Variants in WBP1L observed in about 807,000 individuals in gnomAD.
WBP1L encodes the protein WW domain binding protein 1-like.
A neutral mutation model predicts 33.7 loss-of-function variants in WBP1L; 17 were observed. The ratio of observed to expected loss-of-function variants is 0.50; its 90% CI spans 0.34 to 0.76. The LOEUF is 0.76. Ranked by LOEUF, WBP1L falls within the 30% of genes least tolerant of loss-of-function variation. WBP1L has a pLI of 0.01. For missense variants in WBP1L, 389 were observed against 469.4 expected, an observed-to-expected ratio of 0.83 and a Z score of 1.58; for synonymous variants, 173 against 190.8, an observed-to-expected ratio of 0.91 and a Z score of 0.77.
At chr10:102,750,470 G>A (rs1842914437) in intron 1 of WBP1L, among the ~76,000 whole-genome samples, 1 of 151,618 alleles carries the variant, frequency 6.6e-6, no homozygotes, top group African/African-American at 2.4e-5. Context: ...TACATAAATT[G>A]GTGTTTCAGT....
intron 1 of WBP1L, among the ~76,000 whole-genome samples, chr10:102,787,632 G>A (rs1843434803): frequency 6.6e-6 from 1 of 152,056 alleles, no homozygotes; most frequent in Non-Finnish European, 1.5e-5. Flanking sequence ...TAACACATGG[G>A]AAGCAATAGG....
intron 1 of WBP1L, among the ~76,000 whole-genome samples, chr10:102,785,868 G>T (rs1054889486): frequency 2.0e-5 from 3 of 152,206 alleles, no homozygotes; most frequent in Non-Finnish European, 4.4e-5. Context: ...AGTGTCCAGG[G>T]GTGAAAGAGT....
At chr10:102,788,810 A>C in intron 1 of WBP1L, among the ~76,000 whole-genome samples, 1 of 152,178 alleles carries the variant, frequency 6.6e-6, no homozygotes, top group South Asian at 2.1e-4. Context: ...GGGGGGGATA[A>C]ATAAAGGCTC....
At chr10:102,810,455 T>C (rs531822284) in intron 3 of WBP1L, among the ~76,000 whole-genome samples, 6 of 125,630 alleles carry the variant, frequency 4.8e-5, no homozygotes, top group Admixed American at 1.6e-4. Context: ...CTCCCTCCCT[T>C]CTTTTCCTTC....
chr10:102,774,340 T>C (rs1843229376), intron 1 of WBP1L, among the ~76,000 whole-genome samples: 1 of 152,148 alleles, frequency 6.6e-6, no homozygotes, highest in East Asian at 1.9e-4. Context: ...CTTGAGAATA[T>C]GTATGTGCTG....
At chr10:102,781,785 G>C (rs1467162837) in intron 1 of WBP1L, among the ~76,000 whole-genome samples, 15 of 150,668 alleles carry the variant, frequency 1.0e-4, no homozygotes, top group East Asian at 2.0e-4. Context: ...TCTTGTGACA[G>C]CTCCACAGAA....
chr10:102,743,995 G>A lies in WBP1L; in HGVS notation c.-59G>A. The A allele has an allele frequency of 8.1e-7, 1 of 1,239,204 alleles. No individual in the cohort carries two copies. The allele number at this position is 1,239,204 out of a possible 1,614,324, so 76.8% of individuals were successfully genotyped here. ...GAAGGAAGAAGAGGGTAGAGGAGGA[G>A]AGGGAGGAGGAGGAGGGAGGTGGCG... On this transcript the variant is annotated 5_prime_UTR_variant, in exon 1 of 4. Transcript: ENST00000448841.
intron 1 of WBP1L, among the ~76,000 whole-genome samples, chr10:102,787,756 A>T (rs1014907412): frequency 1.3e-5 from 2 of 151,820 alleles, no homozygotes; most frequent in African/African-American, 4.8e-5. Context: ...AGTTCTCTTT[A>T]TTTCCCTCAG....
intron 1 of WBP1L, among the ~76,000 whole-genome samples, chr10:102,794,441 T>C (rs1302494128): frequency 6.6e-6 from 1 of 151,824 alleles, no homozygotes; most frequent in Non-Finnish European, 1.5e-5. Context: ...ATCACGCCAC[T>C]GCATACCAGC....
intron 2 of WBP1L, among the ~76,000 whole-genome samples, chr10:102,807,669 A>G (rs1483640696): frequency 1.3e-5 from 2 of 151,978 alleles, no homozygotes; most frequent in Non-Finnish European, 2.9e-5. Flanking sequence ...CCCTGCGCCC[A>G]GCCATACGTA....
intron 2 of WBP1L, among the ~76,000 whole-genome samples, chr10:102,798,644 C>T (rs749359454): frequency 1.3e-5 from 2 of 152,144 alleles, no homozygotes; most frequent in Admixed American, 6.5e-5. Context: ...AAGATGGTCT[C>T]GATCTGTTGA....
intron 1 of WBP1L, among the ~76,000 whole-genome samples, chr10:102,776,840 G>A (rs1018965845): frequency 2.6e-5 from 4 of 152,142 alleles, no homozygotes; most frequent in African/African-American, 9.7e-5. Context: ...GGGACTCTGT[G>A]TTGGGGGTGG....
chr10:102,763,201 T>C (rs1334777284), intron 1 of WBP1L, among the ~76,000 whole-genome samples: 5 of 124,994 alleles, frequency 4.0e-5, no homozygotes, highest in African/African-American at 6.2e-5. Context: ...AGTGAAACTT[T>C]TGTCTCAAAA....
intron 1 of WBP1L, among the ~76,000 whole-genome samples, chr10:102,767,764 A>G (rs1843130876): frequency 6.6e-6 from 1 of 152,222 alleles, no homozygotes; most frequent in Non-Finnish European, 1.5e-5. Flanking sequence ...ATATCAAACA[A>G]GCAAAATGAG....
rs147783295 is a variant in WBP1L at position 102,806,392 on chromosome 10, G to A, written c.194-3501G>A. On this transcript the variant is annotated intron_variant, in intron 2 of 3. Coordinates refer to ENST00000448841, the MANE Select transcript of WBP1L (RefSeq NM_001083913.2). ...ACATGCAGCCAGGTTCTTAAGCAGA[G>A]TGTCCACCCCAACAACCCTAGGAGA... Among the ~76,000 whole-genome samples the A allele has an allele frequency of 2.6e-5, 4 of 152,230 alleles. No individual in the cohort carries two copies. The East Asian group carries it at 7.7e-4, about 29-fold the overall frequency.
At chr10:102,775,278 G>A (rs1353513327) in intron 1 of WBP1L, among the ~76,000 whole-genome samples, 1 of 152,180 alleles carries the variant, frequency 6.6e-6, no homozygotes, top group African/African-American at 2.4e-5. Flanking sequence ...GAGAGCTGCT[G>A]TGACCTCCTG....
intron 1 of WBP1L, chr10:102,776,184 G>C (rs1219929897): frequency 6.9e-7 from 1 of 1,453,144 alleles, no homozygotes; most frequent in Non-Finnish European, 9.1e-7. Context: ...GGGTGGGCCA[G>C]AGCCAGGCAG....
intron 1 of WBP1L, among the ~76,000 whole-genome samples, chr10:102,761,285 ACC>A (rs1843037330): frequency 6.6e-6 from 1 of 151,290 alleles, no homozygotes; most frequent in African/African-American, 2.4e-5. Flanking sequence ...GATTACAGGC[ACC>A]TACCACCATG....
At position 102,811,134 on chromosome 10, in the gene WBP1L, C is replaced by T. The variant is rs1843836376; in HGVS notation, c.355+1080C>T. Among the ~76,000 whole-genome samples, 3 of 152,192 alleles carry T rather than the reference C, an allele frequency of 2.0e-5. No homozygotes were observed. In the South Asian group the frequency reaches 6.2e-4, roughly 32 times the overall value. ...AATTGAAACAATTGTGGGCCGGGCT[C>T]AGTGGCTCACACCGGGCTCGGTGGC... On this transcript the variant is annotated intron_variant, in intron 3 of 3. Coordinates refer to ENST00000448841, the MANE Select transcript of WBP1L (RefSeq NM_001083913.2).
Sources: allele counts gnomAD v4.1 joint callset (sites outside exome capture counted in the v4.1 genomes callset), GRCh38; gene constraint gnomAD v4.1.1; transcripts MANE v1.5; gene names NCBI Gene and HGNC (gene_info 2026-07-23, HGNC 2026-07-21).